Variants in UNC5D observed in about 807,000 individuals in gnomAD.
UNC5D encodes netrin receptor UNC5D.
Under a neutral mutation model 105.4 loss-of-function variants are expected in UNC5D, and 39 were observed. That is an observed-to-expected ratio of 0.37 (90% CI 0.29 to 0.48). The LOEUF is 0.48. Ranked by LOEUF, UNC5D falls within the 20% of genes least tolerant of loss-of-function variation. UNC5D has a pLI of 0.98. For missense variants in UNC5D, 991 were observed against 1,202.4 expected, an observed-to-expected ratio of 0.82 and a Z score of 2.60; for synonymous variants, 452 against 450.4, an observed-to-expected ratio of 1.00 and a Z score of -0.04.
At chr8:35,382,061 A>G (rs566321225) in intron 1 of UNC5D, among the ~76,000 whole-genome samples, 5 of 152,380 alleles carry the variant, frequency 3.3e-5, no homozygotes, top group African/African-American at 1.2e-4. Context: ...GGATTTAAAA[A>G]TAACTTTGTA....
chr8:35,472,595 T>C (rs964494014), intron 1 of UNC5D, among the ~76,000 whole-genome samples: 9 of 152,098 alleles, frequency 5.9e-5, no homozygotes, highest in Non-Finnish European at 1.2e-4. Flanking sequence ...ATAGAGACCA[T>C]TCTGGGGGCA....
intron 1 of UNC5D, among the ~76,000 whole-genome samples, chr8:35,329,623 G>A (rs1563318189): frequency 1.3e-5 from 2 of 151,704 alleles, no homozygotes; most frequent in Non-Finnish European, 2.9e-5. Context: ...CATGTATTAG[G>A]CCATGATCGG....
chr8:35,608,481 G>C (rs540402715), intron 4 of UNC5D, among the ~76,000 whole-genome samples: 13 of 152,304 alleles, frequency 8.5e-5, no homozygotes, highest in Admixed American at 5.2e-4. Flanking sequence ...TGCATAGGTT[G>C]CATGTAAGCC....
At chr8:35,585,846 G>A (rs1039119592) in intron 3 of UNC5D, among the ~76,000 whole-genome samples, 4 of 151,796 alleles carry the variant, frequency 2.6e-5, no homozygotes, top group African/African-American at 9.7e-5. Flanking sequence ...ATCTACACGT[G>A]GCATTGTCCT....
intron 9 of UNC5D, chr8:35,724,291 T>C (rs778024790): frequency 8.1e-5 from 125 of 1,534,922 alleles, no homozygotes; most frequent in Non-Finnish European, 1.0e-4. Context: ...AAAAATCCTT[T>C]GGTAAATGCC....
chr8:35,710,934 C>CTTTTTTTTTTTTTTTTTTT (rs775014566), intron 8 of UNC5D, among the ~76,000 whole-genome samples: 1 of 114,374 alleles, frequency 8.7e-6, no homozygotes, highest in African/African-American at 4.0e-5. Context: ...CAGCATTATT[C>CTTTTTTTTTTTTTTTTTTT]TTTTTTTTTT....
chr8:35,388,916 T>C (rs1803600815), intron 1 of UNC5D, among the ~76,000 whole-genome samples: 1 of 152,182 alleles, frequency 6.6e-6, no homozygotes, highest in Non-Finnish European at 1.5e-5. Flanking sequence ...AAAATAGAGC[T>C]CTAATGTTGA....
chr8:35,653,366 G>C (rs1823543196), intron 4 of UNC5D, among the ~76,000 whole-genome samples: 1 of 152,074 alleles, frequency 6.6e-6, no homozygotes, highest in Non-Finnish European at 1.5e-5. Context: ...TGAAAACTCA[G>C]ACTAGACATA....
At chr8:35,460,051 A>C (rs1157239362) in intron 1 of UNC5D, among the ~76,000 whole-genome samples, 1 of 152,218 alleles carries the variant, frequency 6.6e-6, no homozygotes, top group East Asian at 1.9e-4. Context: ...CAAAAGAGCC[A>C]GTCTCTAAAT....
At chr8:35,436,950 G>A (rs1196078522) in intron 1 of UNC5D, among the ~76,000 whole-genome samples, 1 of 151,900 alleles carries the variant, frequency 6.6e-6, no homozygotes, top group African/African-American at 2.4e-5. Flanking sequence ...AGCAATACTT[G>A]AATCTTATTC....
intron 1 of UNC5D, among the ~76,000 whole-genome samples, chr8:35,459,033 C>T (rs1387710614): frequency 2.0e-5 from 3 of 152,100 alleles, no homozygotes; most frequent in South Asian, 2.1e-4. Flanking sequence ...CCTCCACTCC[C>T]ACACATGTAT....
At chr8:35,785,915 A>G (rs1223139352) in intron 16 of UNC5D, among the ~76,000 whole-genome samples, 1 of 152,052 alleles carries the variant, frequency 6.6e-6, no homozygotes, top group Non-Finnish European at 1.5e-5. Flanking sequence ...ATCTTCCTGG[A>G]CGTCACCTAA....
intron 1 of UNC5D, among the ~76,000 whole-genome samples, chr8:35,317,894 G>A (rs187543095): frequency 2.3e-3 from 160 of 68,682 alleles, no homozygotes; most frequent in Admixed American, 7.1e-3. Context: ...CTTAGTTCTT[G>A]GTTGTGTCTT....
chr8:35,323,197 T>TC (rs993789292), intron 1 of UNC5D, among the ~76,000 whole-genome samples: 2 of 149,460 alleles, frequency 1.3e-5, no homozygotes, highest in Non-Finnish European at 3.0e-5. Context: ...TCTTTTTTTT[T>TC]TTTTTTTTTT....
intron 1 of UNC5D, among the ~76,000 whole-genome samples, chr8:35,287,950 G>T (rs1271668628): frequency 6.6e-6 from 1 of 151,888 alleles, no homozygotes; most frequent in African/African-American, 2.4e-5. Context: ...GAGTGAAGAA[G>T]GCCTATGAAA....
chr8:35,247,297 T>C (rs1222411068), intron 1 of UNC5D, among the ~76,000 whole-genome samples: 1 of 150,958 alleles, frequency 6.6e-6, no homozygotes, highest in African/African-American at 2.4e-5. Context: ...TTCCTTTGGC[T>C]TACAGAATGC....
chr8:35,756,570 A>G (rs1308639818), intron 13 of UNC5D, among the ~76,000 whole-genome samples: 1 of 150,782 alleles, frequency 6.6e-6, no homozygotes, highest in African/African-American at 2.5e-5. Flanking sequence ...AAAAAAAAGA[A>G]AAAAAGAAAG....
intron 1 of UNC5D, among the ~76,000 whole-genome samples, chr8:35,377,413 CA>C (rs1802763205): frequency 6.6e-6 from 1 of 152,172 alleles, no homozygotes; most frequent in Non-Finnish European, 1.5e-5. Context: ...GCACAGCAGG[CA>C]GCACCAGGGC....
At chr8:35,658,666 T>C (rs1264424329) in intron 4 of UNC5D, among the ~76,000 whole-genome samples, 1 of 85,304 alleles carries the variant, frequency 1.2e-5, no homozygotes, top group East Asian at 3.8e-4. Flanking sequence ...TTTTTTTTTT[T>C]CTGGAGATGG....
Sources: gnomAD v4.1 joint callset for allele counts (sites outside exome capture counted in the v4.1 genomes callset) on GRCh38, gnomAD v4.1.1 for gene constraint, MANE v1.5 for transcripts, NCBI Gene and HGNC (gene_info 2026-07-23, HGNC 2026-07-21) for gene names.